CSMD2: variants seen among roughly 807,000 people sequenced by gnomAD.
CSMD2 encodes the protein CUB and Sushi multiple domains 2, also known as CUB and sushi domain-containing protein 2.
A neutral mutation model predicts 398.5 loss-of-function variants in CSMD2; 130 were observed. The observed-to-expected ratio is 0.33, with a 90% CI of 0.28 to 0.38. The LOEUF is 0.38. CSMD2 is among the 10% of genes least tolerant of loss of function. The probability of loss-of-function intolerance (pLI) is 1.00; values close to 1 mark genes in which losing one functional copy is unlikely to be tolerated. For synonymous variants in CSMD2, 1,828 were observed against 1,908.5 expected, an observed-to-expected ratio of 0.96 and a Z score of 1.10; for missense variants, 3,829 against 4,764.9, an observed-to-expected ratio of 0.80 and a Z score of 5.78.
chr1:33,869,343 C>T (rs1368773015), intron 5 of CSMD2: 3 of 152,158 alleles, frequency 2.0e-5, no homozygotes, highest in Non-Finnish European at 2.9e-5. Flanking sequence ...ACTTGGTATT[C>T]CTTGGAGCAG....
chr1:33,658,560 A>G (rs1328895572), intron 26 of CSMD2, among the ~76,000 whole-genome samples: 1 of 152,228 alleles, frequency 6.6e-6, no homozygotes, highest in Non-Finnish European at 1.5e-5. Flanking sequence ...TGACAAGATA[A>G]TTAAGTCTAA....
chr1:34,135,072 T>G (rs1771385), intron 1 of CSMD2, among the ~76,000 whole-genome samples: 108,298 of 152,078 alleles, frequency 0.71, 39,815 homozygotes, highest in Non-Finnish European at 0.81. Context: ...GCAATCTGTA[T>G]TTTAACAAGA....
At chr1:33,975,832 C>T (rs1645943567) in intron 3 of CSMD2, among the ~76,000 whole-genome samples, 1 of 152,170 alleles carries the variant, frequency 6.6e-6, no homozygotes, top group African/African-American at 2.4e-5. Context: ...AGCTCTGCTT[C>T]CCTCTTGATA....
chr1:34,020,467 G>A (rs921325742), intron 3 of CSMD2, among the ~76,000 whole-genome samples: 8 of 152,160 alleles, frequency 5.3e-5, no homozygotes, highest in Admixed American at 1.3e-4. Flanking sequence ...ACAACGCCCT[G>A]AGCAAGGCCA....
chr1:33,696,217 C>A (rs1368598018), intron 24 of CSMD2, among the ~76,000 whole-genome samples: 1 of 152,152 alleles, frequency 6.6e-6, no homozygotes, highest in East Asian at 1.9e-4. Context: ...ATGTTCATTG[C>A]AGAGCTATTT....
chr1:33,846,797 C>G (rs1053538033), intron 6 of CSMD2, 87 bp downstream of exon 6: 1 of 749,662 alleles, frequency 1.3e-6, no homozygotes, highest in South Asian at 2.4e-5. Context: ...GAAGCCACAC[C>G]GGACCCAGTA....
At chr1:33,986,299 G>A (rs766946584) in intron 3 of CSMD2, among the ~76,000 whole-genome samples, 5 of 152,148 alleles carry the variant, frequency 3.3e-5, no homozygotes, top group African/African-American at 7.2e-5. Flanking sequence ...CCTCTCCAGC[G>A]CTGCTGAAAG....
intron 13 of CSMD2, among the ~76,000 whole-genome samples, chr1:33,766,410 T>C (rs369144625): frequency 2.0e-5 from 3 of 152,178 alleles, no homozygotes; most frequent in Admixed American, 6.5e-5. Context: ...CAGCACCCAC[T>C]ATGATGCCCA....
At chr1:33,974,508 C>T (rs1645888872) in intron 3 of CSMD2, among the ~76,000 whole-genome samples, 1 of 152,190 alleles carries the variant, frequency 6.6e-6, no homozygotes, top group Admixed American at 6.5e-5. Flanking sequence ...TTGCAAAAGT[C>T]CCAGAAGGCA....
chr1:33,714,636 G>A lies in CSMD2; in HGVS notation c.3357C>T (p.Cys1119=), dbSNP rs1367181665. Residue 1119 remains cysteine, a synonymous_variant, in exon 21 of 71, where the codon TGC becomes TGT. Transcript: ENST00000373381. ...YRLEGTARIT[C]LGGRRRLWSS... The stretch of plus-strand genomic sequence containing the variant: ...TCCACAGGCGCCGTCTGCCCCCCAG[G>A]CACGTGATGCGGGCGGTGCCCTCCA... 6.2e-7 allele frequency: 1 copy of A among 1,613,870 alleles called. No individual in the cohort carries two copies. Among genetic ancestry groups the A allele is most frequent in the African/African-American group, 1.3e-5 (1 of 74,952 alleles).
chr1:33,909,985 G>A (rs1036354868), intron 5 of CSMD2, among the ~76,000 whole-genome samples: 24 of 151,976 alleles, frequency 1.6e-4, no homozygotes, highest in African/African-American at 5.8e-4. Context: ...TTCAATACAT[G>A]GCCCCACCAT....
At chr1:33,864,739 T>A (rs752622300) in intron 5 of CSMD2, 15 of 1,606,462 alleles carry the variant, frequency 9.3e-6, no homozygotes, top group Non-Finnish European at 1.3e-5. Flanking sequence ...GGGAAAAGAG[T>A]CAGGCAGAGC....
At chr1:33,606,017 G>A in intron 41 of CSMD2, 3 of 1,602,414 alleles carry the variant, frequency 1.9e-6, no homozygotes, top group Non-Finnish European at 2.6e-6. Context: ...CTTTTCAGAG[G>A]GAGTAGCTGG....
intron 3 of CSMD2, among the ~76,000 whole-genome samples, chr1:33,950,868 T>C (rs1644988038): frequency 6.6e-6 from 1 of 152,226 alleles, no homozygotes; most frequent in African/African-American, 2.4e-5. Flanking sequence ...AGGATTGGGA[T>C]GCGTCTGTCT....
At chr1:33,701,062 T>A (rs1312362698) in intron 22 of CSMD2, among the ~76,000 whole-genome samples, 1 of 152,224 alleles carries the variant, frequency 6.6e-6, no homozygotes, top group African/African-American at 2.4e-5. Flanking sequence ...AGAGACAGGC[T>A]GAAAGCATTC....
intron 68 of CSMD2, 94 bp from the exon 69 acceptor site, chr1:33,520,044 G>A (rs760668847): frequency 2.1e-6 from 3 of 1,461,252 alleles, no homozygotes; most frequent in Non-Finnish European, 2.8e-6. Context: ...GGGAAGCAGG[G>A]CTGCCACTCA....
Position 33,797,820 on chromosome 1 carries a change from G to GCTTCCA in CSMD2, c.1447-5295_1447-5294insTGGAAG, listed in dbSNP as rs1655125860. ...TATCAGCCCCTTCCAGCCAGCCCTG[G>GCTTCCA]GGCAGAGGACACGGCTCACCCAGCC... On this transcript the variant is annotated intron_variant, in intron 10 of 70. Transcript: ENST00000373381. Among the ~76,000 whole-genome samples the GCTTCCA allele has an allele frequency of 2.0e-5, 3 of 152,244 alleles. No homozygotes were observed. The South Asian group carries it at 6.2e-4, about 32-fold the overall frequency.
intron 6 of CSMD2, chr1:33,839,698 CA>C (rs1156468344): frequency 4.6e-5 from 7 of 152,142 alleles, no homozygotes; most frequent in African/African-American, 1.7e-4. Flanking sequence ...ATGAAAAAAA[CA>C]GAGTCAGATA....
intron 1 of CSMD2, among the ~76,000 whole-genome samples, chr1:34,125,502 C>T (rs920770266): frequency 7.2e-6 from 1 of 139,636 alleles, no homozygotes; most frequent in Non-Finnish European, 1.5e-5. Flanking sequence ...TCCCATCAAC[C>T]TTGGCTGTGT....
Sources: allele counts gnomAD v4.1 joint callset (sites outside exome capture counted in the v4.1 genomes callset), GRCh38; gene constraint gnomAD v4.1.1; transcripts MANE v1.5; gene names NCBI Gene and HGNC (gene_info 2026-07-23, HGNC 2026-07-21).